Variants in GPC5 observed in about 807,000 individuals in gnomAD.
The protein encoded by GPC5 is glypican 5.
In GPC5, 47 loss-of-function variants were observed where a neutral mutation model predicts 53.9. That is an observed-to-expected ratio of 0.87 (90% CI 0.69 to 1.11). GPC5 has a LOEUF of 1.11. Ranked by LOEUF, GPC5 falls within the 50% of genes most tolerant of loss-of-function variation. The pLI is 0.00. For synonymous variants in GPC5, 286 were observed against 263.3 expected (o/e 1.09, Z -0.84); for missense variants, 748 against 713.1 (o/e 1.05, Z -0.56).
chr13:91,845,302 G>GTT (rs141878341), intron 5 of GPC5, among the ~76,000 whole-genome samples: 1 of 150,550 alleles, frequency 6.6e-6, no homozygotes, highest in Non-Finnish European at 1.5e-5. Context: ...AATCAGTAAG[G>GTT]TTTTTTTTTA....
chr13:91,650,749 A>AGTTTTGTTTTGTTTT (rs1377536259), intron 2 of GPC5, among the ~76,000 whole-genome samples: 29 of 67,070 alleles, frequency 4.3e-4, no homozygotes, highest in African/African-American at 2.8e-3. Flanking sequence ...AATTCCCATA[A>AGTTTTGTTTTGTTTT]GTTTTTTTTT....
At chr13:92,424,178 G>A (rs954950186) in intron 7 of GPC5, among the ~76,000 whole-genome samples, 1 of 151,936 alleles carries the variant, frequency 6.6e-6, no homozygotes, top group Admixed American at 6.6e-5. Flanking sequence ...TTCCTCTAGG[G>A]TTATTGCTTC....
intron 6 of GPC5, among the ~76,000 whole-genome samples, chr13:92,129,549 T>C (rs2041726893): frequency 6.6e-6 from 1 of 152,178 alleles, no homozygotes; most frequent in African/African-American, 2.4e-5. Context: ...AGATTCACAG[T>C]TCAGAATTAA....
At chr13:92,855,596 T>C (rs1487994158) in intron 7 of GPC5, among the ~76,000 whole-genome samples, 1 of 151,526 alleles carries the variant, frequency 6.6e-6, no homozygotes, top group Non-Finnish European at 1.5e-5. Flanking sequence ...TTTTTAATTG[T>C]GGTCTTAAAT....
At chr13:92,166,956 TCACACACA>T (rs199854897) in intron 7 of GPC5, among the ~76,000 whole-genome samples, 860 of 84,684 alleles carry the variant, frequency 0.01, 3 homozygotes, top group Middle Eastern at 0.027. Context: ...TCTCTCTCTC[TCACACACA>T]CACACACACA....
At chr13:91,542,237 C>A (rs2029986939) in intron 2 of GPC5, among the ~76,000 whole-genome samples, 2 of 151,946 alleles carry the variant, frequency 1.3e-5, no homozygotes, top group South Asian at 4.1e-4. Flanking sequence ...GGGATATAGT[C>A]ACAATTTCTC....
intron 6 of GPC5, among the ~76,000 whole-genome samples, chr13:92,044,993 AT>A (rs2040970335): frequency 6.6e-6 from 1 of 152,190 alleles, no homozygotes; most frequent in Non-Finnish European, 1.5e-5. Context: ...TTCTGAACCT[AT>A]TTGGAAATAT....
At chr13:92,597,702 C>T (rs1883925332) in intron 7 of GPC5, among the ~76,000 whole-genome samples, 1 of 152,084 alleles carries the variant, frequency 6.6e-6, no homozygotes, top group South Asian at 2.1e-4. Flanking sequence ...TTTTTGCATG[C>T]AAGCTTACTT....
intron 2 of GPC5, among the ~76,000 whole-genome samples, chr13:91,580,203 A>T (rs147931246): frequency 6.6e-6 from 1 of 152,018 alleles, no homozygotes; most frequent in East Asian, 2.0e-4. Context: ...GGCGCCTGCC[A>T]CCATGCCTGG....
intron 2 of GPC5, among the ~76,000 whole-genome samples, chr13:91,470,432 T>C (rs1446558282): frequency 6.6e-6 from 1 of 151,894 alleles, no homozygotes; most frequent in Non-Finnish European, 1.5e-5. Context: ...AGGTGATGGG[T>C]AAAAAAAATT....
rs568159098 is a variant in GPC5 at position 92,527,263 on chromosome 13, G to GAA, written c.1562-339017_1562-339016dup. On this transcript the variant is annotated intron_variant, in intron 7 of 7. Transcript: ENST00000377067. Reference sequence around the variant, plus strand: ...AAAGAAAGAAAGAGAAAGAAAGAAAGAAAGAAAGAAAGAAAGAAAAAGATC... The same window carrying GAA: ...AAAGAAAGAAAGAGAAAGAAAGAAAGAAAAAGAAAGAAAGAAAGAAAAAGATC... Among the ~76,000 whole-genome samples the GAA allele has an allele frequency of 1.6e-3, 184 of 114,120 alleles. 8 individuals carry two copies. Among genetic ancestry groups the GAA allele is most frequent in the African/African-American group, 4.6e-3 (109 of 23,722 alleles). 74.9% of individuals were successfully genotyped at this position (114,120 alleles called of 152,430 possible).
At chr13:91,499,002 A>C (rs1409574654) in intron 2 of GPC5, among the ~76,000 whole-genome samples, 1 of 152,010 alleles carries the variant, frequency 6.6e-6, no homozygotes, top group Non-Finnish European at 1.5e-5. Context: ...AAGCTGCTGC[A>C]GTCATTCAGG....
chr13:92,183,980 TA>T (rs2042165454), intron 7 of GPC5, among the ~76,000 whole-genome samples: 1 of 152,068 alleles, frequency 6.6e-6, no homozygotes, highest in Admixed American at 6.5e-5. Context: ...ATCATATTTT[TA>T]AAAAAGTTAT....
intron 2 of GPC5, among the ~76,000 whole-genome samples, chr13:91,672,447 A>C (rs1268408224): frequency 6.6e-6 from 1 of 152,200 alleles, no homozygotes; most frequent in Non-Finnish European, 1.5e-5. Context: ...CACTTCTCAA[A>C]AGAAGGCATT....
intron 7 of GPC5, among the ~76,000 whole-genome samples, chr13:92,602,460 C>T (rs1884110048): frequency 6.6e-6 from 1 of 151,756 alleles, no homozygotes; most frequent in Non-Finnish European, 1.5e-5. Flanking sequence ...TGAACATAAA[C>T]TTGCCATTTG....
At position 91,916,132 on chromosome 13, in the gene GPC5, T is replaced by C. The variant is rs7323584; in HGVS notation, c.1401+8075T>C. On this transcript the variant is annotated intron_variant, in intron 6 of 7. Transcript: ENST00000377067. ...TAAGCGTCAATTTAATTTTAGTGTA[T>C]AATAAAAATGACAGGTAATAAGTGT... Among the ~76,000 whole-genome samples the C allele has an allele frequency of 5.6e-3, 856 of 152,264 alleles. 8 individuals are homozygous for C. Among genetic ancestry groups the C allele is most frequent in the African/African-American group, 0.02 (816 of 41,550 alleles).
intron 7 of GPC5, among the ~76,000 whole-genome samples, chr13:92,216,431 T>C (rs905114487): frequency 6.6e-6 from 1 of 152,116 alleles, no homozygotes; most frequent in Non-Finnish European, 1.5e-5. Context: ...TAGGGGTTTA[T>C]AGAGGAGCTT....
intron 7 of GPC5, among the ~76,000 whole-genome samples, chr13:92,739,595 A>G (rs1203784845): frequency 6.6e-6 from 1 of 151,988 alleles, no homozygotes; most frequent in Non-Finnish European, 1.5e-5. Flanking sequence ...TGTGATCTAA[A>G]GCCCATTTTC....
At chr13:92,110,106 G>A (rs2041545147) in intron 6 of GPC5, among the ~76,000 whole-genome samples, 1 of 152,138 alleles carries the variant, frequency 6.6e-6, no homozygotes, top group Non-Finnish European at 1.5e-5. Context: ...ATATGAATGG[G>A]AAAAGCTGCA....
Sources: gnomAD v4.1 joint callset for allele counts (sites outside exome capture counted in the v4.1 genomes callset) on GRCh38, gnomAD v4.1.1 for gene constraint, MANE v1.5 for transcripts, NCBI Gene and HGNC (gene_info 2026-07-23, HGNC 2026-07-21) for gene names.